The following YEATS2 variants were observed in gnomAD, a reference collection of about 807,000 sequenced individuals.
YEATS2 encodes the protein YEATS domain-containing protein 2.
A neutral mutation model predicts 163.2 loss-of-function variants in YEATS2; 77 were observed. That is an observed-to-expected ratio of 0.47 (90% CI 0.39 to 0.57). YEATS2 has a LOEUF of 0.57. Ranked by LOEUF, YEATS2 falls within the 20% of genes least tolerant of loss-of-function variation. The pLI is 0.00. For synonymous variants in YEATS2, 631 were observed against 645.1 expected, an observed-to-expected ratio of 0.98 and a Z score of 0.33; for missense variants, 1,549 against 1,729.8, an observed-to-expected ratio of 0.90 and a Z score of 1.85.
At chr3:183,786,575 T>C (rs931429714) in intron 20 of YEATS2, among the ~76,000 whole-genome samples, 1 of 152,210 alleles carries the variant, frequency 6.6e-6, no homozygotes, top group Non-Finnish European at 1.5e-5. Context: ...CCATCAGCAG[T>C]CACTCCCATT....
chr3:183,753,559 C>A lies in YEATS2; in HGVS notation c.1151-567C>A, dbSNP rs145145774. Among the ~76,000 whole-genome samples the A allele has an allele frequency of 3.5e-4, 53 of 152,228 alleles. No individual in the cohort carries two copies. The East Asian group carries it at 8.1e-3, about 23-fold the overall frequency. ...GGTCAGGAGTTCAAGACCAGCCTGGCCAACATGGCAAAACCCCGTCTCTAC... is the reference window on the plus strand; with the variant it reads ...GGTCAGGAGTTCAAGACCAGCCTGGACAACATGGCAAAACCCCGTCTCTAC... On this transcript the variant is annotated intron_variant, in intron 10 of 30. Transcript: ENST00000305135.
intron 15 of YEATS2, among the ~76,000 whole-genome samples, chr3:183,771,927 A>T (rs1211897470): frequency 6.6e-6 from 1 of 151,768 alleles, no homozygotes; most frequent in East Asian, 1.9e-4. Context: ...GGATTTCACC[A>T]TGTTGGCCAG....
At chr3:183,767,760 G>A (rs527692241) in intron 15 of YEATS2, among the ~76,000 whole-genome samples, 4 of 151,072 alleles carry the variant, frequency 2.6e-5, no homozygotes, top group Admixed American at 6.6e-5. Flanking sequence ...CTAATGATCC[G>A]CCCACCTCGG....
intron 14 of YEATS2, 102 bp downstream of exon 14, chr3:183,761,716 C>G: frequency 9.5e-7 from 1 of 1,050,684 alleles, no homozygotes; most frequent in Non-Finnish European, 1.5e-6. Context: ...TTTAGTGGGT[C>G]TCAACTCCTC....
At chr3:183,785,488 CAAAAAAAA>C (rs146941322) in intron 19 of YEATS2, among the ~76,000 whole-genome samples, 1 of 52,270 alleles carries the variant, frequency 1.9e-5, no homozygotes, top group African/African-American at 7.0e-5. Context: ...GACTCTGTCT[CAAAAAAAA>C]AAAAAAAAAA....
intron 5 of YEATS2, among the ~76,000 whole-genome samples, chr3:183,722,874 G>A (rs140179907): frequency 2.6e-5 from 4 of 151,706 alleles, no homozygotes; most frequent in Admixed American, 2.6e-4. Flanking sequence ...GACTGGTCTC[G>A]AACTCCTGAC....
chr3:183,732,684 T>C (rs1255452723), intron 7 of YEATS2, among the ~76,000 whole-genome samples: 19 of 151,672 alleles, frequency 1.3e-4, no homozygotes, highest in African/African-American at 3.6e-4. Context: ...CTCAGCCTCC[T>C]GAGTAACTGG....
intron 8 of YEATS2, 54 bp from the exon 9 acceptor site, chr3:183,747,615 GATA>G (rs144941276): frequency 1.4e-6 from 2 of 1,461,308 alleles, no homozygotes; most frequent in East Asian, 4.6e-5. Context: ...TGTATCCTAT[GATA>G]ATATGTAAGT....
intron 1 of YEATS2, among the ~76,000 whole-genome samples, chr3:183,708,875 T>C (rs1297008061): frequency 6.6e-6 from 1 of 151,876 alleles, no homozygotes; most frequent in Non-Finnish European, 1.5e-5. Context: ...AAAAAAATTT[T>C]TTTTGGCCAG....
rs1204842974 is a variant in YEATS2, at chr3:183,772,404, G to A, written c.2047G>A (p.Val683Ile). The A allele has an allele frequency of 6.2e-7, 1 of 1,614,102 alleles. No individual in the cohort carries two copies. Among genetic ancestry groups the A allele is most frequent in the African/African-American group, 1.3e-5 (1 of 74,942 alleles). Residue 683 changes from valine to isoleucine, a missense_variant, in exon 16 of 31, where the codon GTC becomes ATC. Transcript: ENST00000305135. The stretch of plus-strand genomic sequence containing the variant: ...CCTGGTAGCCAAGGCCAGCTCTTCT[G>A]TCTCCAAAGCAGTTGGGCCAAAGCA... ...QILVAKASSS[V>I]SKAVGPKQVV...
intron 4 of YEATS2, 85 bp downstream of exon 4, chr3:183,718,677 T>A: frequency 9.5e-7 from 1 of 1,054,792 alleles, no homozygotes; most frequent in Non-Finnish European, 1.4e-6. Context: ...AATCCCTGCA[T>A]CTGAAACATT....
intron 30 of YEATS2, 111 bp from the exon 31 acceptor site, chr3:183,810,364 C>A: frequency 1.0e-6 from 1 of 962,198 alleles, no homozygotes; most frequent in Admixed American, 2.1e-5. Context: ...CTCAGGAGCC[C>A]TCTCCACGGG....
At chr3:183,749,127 A>G (rs1719884391) in intron 9 of YEATS2, among the ~76,000 whole-genome samples, 1 of 151,960 alleles carries the variant, frequency 6.6e-6, no homozygotes, top group Admixed American at 6.6e-5. Flanking sequence ...TATTTTTAGT[A>G]GAGATGGGGT....
intron 8 of YEATS2, among the ~76,000 whole-genome samples, chr3:183,741,225 C>T (rs1718927102): frequency 6.6e-6 from 1 of 152,124 alleles, no homozygotes; most frequent in African/African-American, 2.4e-5. Context: ...AGGCATGAGC[C>T]ACTGTGCTTG....
At chr3:183,715,729 G>T (rs1045433151) in intron 2 of YEATS2, among the ~76,000 whole-genome samples, 1 of 152,124 alleles carries the variant, frequency 6.6e-6, no homozygotes, top group African/African-American at 2.4e-5. Context: ...GTGTCATATG[G>T]TTCTCAGATG....
At chr3:183,700,810 A>C (rs1402910629) in intron 1 of YEATS2, among the ~76,000 whole-genome samples, 1 of 148,970 alleles carries the variant, frequency 6.7e-6, no homozygotes, top group African/African-American at 2.5e-5. Flanking sequence ...ACAAAAAGCC[A>C]CGTGCTGTAT....
At chr3:183,716,167 G>A (rs1715853328) in intron 2 of YEATS2, among the ~76,000 whole-genome samples, 2 of 152,048 alleles carry the variant, frequency 1.3e-5, no homozygotes, top group South Asian at 4.2e-4. Context: ...CACCGTGTTA[G>A]CCAGGATGGT....
chr3:183,778,814 CTG>C (rs1183117819), intron 19 of YEATS2, among the ~76,000 whole-genome samples: 2 of 152,070 alleles, frequency 1.3e-5, no homozygotes, highest in African/African-American at 4.8e-5. Context: ...TGTTTCTTAA[CTG>C]TTTAATTGAA....
intron 1 of YEATS2, among the ~76,000 whole-genome samples, chr3:183,711,168 T>G (rs1353029148): frequency 6.6e-6 from 1 of 152,204 alleles, no homozygotes; most frequent in Non-Finnish European, 1.5e-5. Flanking sequence ...ACCTTACTTT[T>G]ACTTTTTAAA....
Sources: allele counts gnomAD v4.1 joint callset (sites outside exome capture counted in the v4.1 genomes callset), GRCh38; gene constraint gnomAD v4.1.1; transcripts MANE v1.5; gene names NCBI Gene and HGNC (gene_info 2026-07-23, HGNC 2026-07-21).